The following RBFOX1 variants were observed in gnomAD, a reference collection of about 807,000 sequenced individuals.
RBFOX1 encodes RNA binding fox-1 homolog 1.
RBFOX1 carries 8 observed loss-of-function variants against 57.7 expected under a neutral mutation model. That is an observed-to-expected ratio of 0.14 (90% CI 0.08 to 0.25). The LOEUF (loss-of-function observed/expected upper bound fraction) is 0.25. RBFOX1 is among the 10% of genes least tolerant of loss of function. The probability of loss-of-function intolerance (pLI) is 1.00; values close to 1 mark genes in which losing one functional copy is unlikely to be tolerated. For synonymous variants in RBFOX1, 326 were observed against 222.4 expected, an observed-to-expected ratio of 1.47 and a Z score of -4.15; for missense variants, 611 against 548.5, an observed-to-expected ratio of 1.11 and a Z score of -1.14.
chr16:6,891,001 TC>T (rs1258315555), intron 3 of RBFOX1, among the ~76,000 whole-genome samples: 1 of 152,182 alleles, frequency 6.6e-6, no homozygotes, highest in East Asian at 1.9e-4. Context: ...CTCAGACCCT[TC>T]AACACTGTGA....
chr16:6,086,673 A>G lies in RBFOX1; in HGVS notation c.-127+66681A>G, dbSNP rs542784197. The stretch of plus-strand genomic sequence containing the variant: ...TCAGGGAGATGATTTACTGTTTCTC[A>G]ATAAAAGATGGAGTTTTGAAGAATA... On this transcript the variant is annotated intron_variant, in intron 1 of 15. Coordinates refer to ENST00000550418, the MANE Select transcript of RBFOX1 (RefSeq NM_018723.4). 1.2e-4 allele frequency among the ~76,000 whole-genome samples: 19 copies of G among 152,322 alleles called. No homozygotes were observed. In the South Asian group the frequency reaches 3.5e-3, roughly 28 times the overall value.
chr16:5,660,272 G>T (rs1304264283), intron 3 of RBFOX1, among the ~76,000 whole-genome samples: 1 of 152,136 alleles, frequency 6.6e-6, no homozygotes, highest in Non-Finnish European at 1.5e-5. Context: ...GGGGAATTTG[G>T]TGCAAACCCT....
intron 4 of RBFOX1, among the ~76,000 whole-genome samples, chr16:7,278,007 G>A (rs1214883050): frequency 1.3e-5 from 2 of 151,686 alleles, no homozygotes; most frequent in Non-Finnish European, 2.9e-5. Context: ...CAAGAATTCT[G>A]TCAGTTCCTT....
intron 14 of RBFOX1, among the ~76,000 whole-genome samples, chr16:7,679,834 A>T (rs558370584): frequency 9.9e-5 from 15 of 152,174 alleles, no homozygotes; most frequent in African/African-American, 3.4e-4. Flanking sequence ...GTGGGCAGAG[A>T]TTTCCCCAAA....
rs189653738 is a variant in RBFOX1, at chr16:6,494,510, C to T, written c.-63-160093C>T. ...GATGGGCTTATTGACTCATCATTCCCTGGAGTTGTACCTACATTGTTACAT... is the reference window on the plus strand; with the variant it reads ...GATGGGCTTATTGACTCATCATTCCTTGGAGTTGTACCTACATTGTTACAT... On this transcript the variant is annotated intron_variant, in intron 2 of 15. Coordinates refer to ENST00000550418, the MANE Select transcript of RBFOX1 (RefSeq NM_018723.4). Among the ~76,000 whole-genome samples, 5 of 152,308 alleles carry T rather than the reference C, an allele frequency of 3.3e-5. No individual in the cohort carries two copies. The East Asian group carries it at 9.7e-4, about 29-fold the overall frequency.
chr16:5,278,104 T>A (rs2063185810), intron 1 of RBFOX1, among the ~76,000 whole-genome samples: 1 of 152,238 alleles, frequency 6.6e-6, no homozygotes, highest in African/African-American at 2.4e-5. Flanking sequence ...ATGGCTGTAC[T>A]AATTTACATT....
At chr16:7,161,512 T>C (rs2078314914) in intron 4 of RBFOX1, among the ~76,000 whole-genome samples, 1 of 152,224 alleles carries the variant, frequency 6.6e-6, no homozygotes, top group African/African-American at 2.4e-5. Context: ...GAATCATTTT[T>C]AATTCCTATT....
chr16:6,266,645 C>T (rs1003708936), intron 1 of RBFOX1, among the ~76,000 whole-genome samples: 2 of 150,846 alleles, frequency 1.3e-5, no homozygotes, highest in African/African-American at 4.9e-5. Context: ...ACCCAGGAGG[C>T]GAAGGTTGCA....
In RBFOX1 at chr16:7,343,064, C is replaced by T. The variant is rs527559061; in HGVS notation, c.28-175083C>T. Among the ~76,000 whole-genome samples the T allele has an allele frequency of 6.4e-4, 97 of 152,242 alleles. 1 individual carries two copies. Among genetic ancestry groups the T allele is most frequent in the Non-Finnish European group, 8.5e-4 (58 of 68,028 alleles). Reference sequence around the variant, plus strand: ...TAGGGGGAAGAGAGGCCTGTCCCCTCCGTTCCATGTGGCCATAGCCTTCTG... The same window carrying T: ...TAGGGGGAAGAGAGGCCTGTCCCCTTCGTTCCATGTGGCCATAGCCTTCTG... On this transcript the variant is annotated intron_variant, in intron 4 of 15. Transcript: ENST00000550418.
intron 4 of RBFOX1, among the ~76,000 whole-genome samples, chr16:5,934,554 C>T (rs1412066749): frequency 6.6e-6 from 1 of 152,150 alleles, no homozygotes; most frequent in Non-Finnish European, 1.5e-5. Context: ...CTGAGGCCTG[C>T]AGTATGGACA....
At chr16:7,231,854 A>G (rs1032876647) in intron 4 of RBFOX1, among the ~76,000 whole-genome samples, 1 of 152,206 alleles carries the variant, frequency 6.6e-6, no homozygotes. Flanking sequence ...GAGTAGGTAA[A>G]TCCACACCAA....
intron 3 of RBFOX1, among the ~76,000 whole-genome samples, chr16:5,727,159 C>G (rs992258974): frequency 6.6e-6 from 1 of 152,068 alleles, no homozygotes; most frequent in East Asian, 1.9e-4. Flanking sequence ...CCCAGTTACT[C>G]AGGAAGCTGA....
chr16:6,140,946 C>G (rs956570429), intron 1 of RBFOX1, among the ~76,000 whole-genome samples: 2 of 151,680 alleles, frequency 1.3e-5, no homozygotes, highest in East Asian at 3.9e-4. Flanking sequence ...AATGTGTAGT[C>G]TCAGCTCGTA....
rs576570894 is a variant in RBFOX1 at position 5,991,972 on chromosome 16, A to T, written c.351+124637A>T. Reference sequence around the variant, plus strand: ...TTAACTGGAATTGCTATGCACACACAGGCTAGAGAGAATCAGGTAGTGAGA... The same window carrying T: ...TTAACTGGAATTGCTATGCACACACTGGCTAGAGAGAATCAGGTAGTGAGA... On this transcript the variant is annotated intron_variant, in intron 4 of 19. Coordinates refer to the RBFOX1 transcript ENST00000641259. 4.6e-5 allele frequency among the ~76,000 whole-genome samples: 7 copies of T among 152,350 alleles called. No homozygotes were observed. The South Asian group carries it at 1.0e-3, about 23-fold the overall frequency.
At chr16:5,493,956 A>T (rs1035122748) in intron 2 of RBFOX1, among the ~76,000 whole-genome samples, 1 of 152,220 alleles carries the variant, frequency 6.6e-6, no homozygotes, top group Non-Finnish European at 1.5e-5. Flanking sequence ...AAGAAAAAGG[A>T]TAGAAAATAA....
chr16:5,790,561 A>T (rs1490820953), intron 3 of RBFOX1, among the ~76,000 whole-genome samples: 1 of 152,044 alleles, frequency 6.6e-6, no homozygotes, highest in Non-Finnish European at 1.5e-5. Context: ...ATGTGGTAAA[A>T]TGGAATAGGG....
chr16:6,932,439 A>G (rs2076715120), intron 3 of RBFOX1, among the ~76,000 whole-genome samples: 1 of 152,086 alleles, frequency 6.6e-6, no homozygotes, highest in African/African-American at 2.4e-5. Context: ...ACCTCACAAT[A>G]CCATTACATT....
intron 4 of RBFOX1, among the ~76,000 whole-genome samples, chr16:5,988,144 G>T (rs553834423): frequency 6.6e-6 from 1 of 152,150 alleles, no homozygotes; most frequent in East Asian, 1.9e-4. Context: ...CTTCTCTTTG[G>T]GCTGTAACTA....
chr16:7,148,573 G>C (rs1239869361), intron 4 of RBFOX1, among the ~76,000 whole-genome samples: 1 of 152,216 alleles, frequency 6.6e-6, no homozygotes, highest in African/African-American at 2.4e-5. Context: ...GTTTGATCGA[G>C]AATGGAGATT....
Sources: gnomAD v4.1 joint callset for allele counts (sites outside exome capture counted in the v4.1 genomes callset) on GRCh38, gnomAD v4.1.1 for gene constraint, MANE v1.5 for transcripts, NCBI Gene and HGNC (gene_info 2026-07-23, HGNC 2026-07-21) for gene names.